The following PTPRK variants were observed in gnomAD, a reference collection of about 807,000 sequenced individuals.
PTPRK encodes the protein protein tyrosine phosphatase receptor type K.
PTPRK carries 75 observed loss-of-function variants against 178.0 expected under a neutral mutation model. The ratio of observed to expected loss-of-function variants is 0.42; its 90% confidence interval spans 0.35 to 0.51. The LOEUF is 0.51. PTPRK is among the 20% of genes least tolerant of loss of function. The probability of loss-of-function intolerance (pLI) is 0.02; values close to 1 mark genes in which losing one functional copy is unlikely to be tolerated. For synonymous variants in PTPRK, 637 were observed against 620.6 expected (o/e 1.03, Z -0.39); for missense variants, 1,441 against 1,797.8 (o/e 0.80, Z 3.59).
chr6:128,328,158 T>C (rs1829816652), intron 2 of PTPRK, among the ~76,000 whole-genome samples: 1 of 152,178 alleles, frequency 6.6e-6, no homozygotes, highest in African/African-American at 2.4e-5. Context: ...GAATAGATGA[T>C]CCTTCTTTCT....
chr6:128,423,439 T>C (rs1843727263), intron 1 of PTPRK, among the ~76,000 whole-genome samples: 2 of 152,136 alleles, frequency 1.3e-5, no homozygotes, highest in African/African-American at 4.8e-5. Flanking sequence ...TGTTTGTGTG[T>C]TCTCGATTTT....
At chr6:128,078,142 G>T (rs1428762508) in intron 11 of PTPRK, among the ~76,000 whole-genome samples, 1 of 151,920 alleles carries the variant, frequency 6.6e-6, no homozygotes, top group South Asian at 2.1e-4. Context: ...GACGTGAAAT[G>T]AAATGGGACT....
At position 128,184,475 on chromosome 6, in the gene PTPRK, C is replaced by T. The variant is rs779884872; in HGVS notation, c.1119G>A (p.Thr373=). Residue 373 remains threonine, a synonymous_variant, in exon 7 of 30, where the codon ACG becomes ACA. Coordinates refer to ENST00000368226, the MANE Select transcript of PTPRK (RefSeq NM_002844.4). ...VLLTRPGEGG[T]GLPGPPLITR... ...TGATTAGTGGAGGTCCTGGGAGCCC[C>T]GTTCCACCTTCACCAGGTCTTGTAA... 26 of 1,613,556 alleles carry T rather than the reference C, an allele frequency of 1.6e-5. No homozygotes were observed. Among genetic ancestry groups the T allele is most frequent in the South Asian group, 2.2e-5 (2 of 91,072 alleles).
At chr6:128,080,243 C>T (rs867760618) in intron 10 of PTPRK, among the ~76,000 whole-genome samples, 42 of 152,012 alleles carry the variant, frequency 2.8e-4, no homozygotes, top group Middle Eastern at 3.4e-3. Flanking sequence ...TTGGCTGTGC[C>T]GGGAACTTTG....
chr6:128,043,357 C>T (rs951605723), intron 13 of PTPRK, among the ~76,000 whole-genome samples: 2 of 151,986 alleles, frequency 1.3e-5, no homozygotes, highest in Admixed American at 6.6e-5. Context: ...GTCTGTACTG[C>T]CTCAGAAAAT....
At chr6:128,428,481 G>T (rs953262682) in intron 1 of PTPRK, among the ~76,000 whole-genome samples, 1 of 152,132 alleles carries the variant, frequency 6.6e-6, no homozygotes, top group Non-Finnish European at 1.5e-5. Context: ...TGGAGTCTAC[G>T]TTCCACAAGC....
chr6:128,489,459 A>T (rs1853449825), intron 1 of PTPRK, among the ~76,000 whole-genome samples: 1 of 152,220 alleles, frequency 6.6e-6, no homozygotes, highest in Admixed American at 6.5e-5. Flanking sequence ...CTTCACCTGG[A>T]AATGATGCAT....
intron 6 of PTPRK, among the ~76,000 whole-genome samples, chr6:128,210,133 G>T (rs995177466): frequency 6.6e-6 from 1 of 152,098 alleles, no homozygotes; most frequent in African/African-American, 2.4e-5. Flanking sequence ...GAGACAAGTG[G>T]TGGCAGTGAG....
chr6:128,181,938 A>T (rs1372294684), intron 7 of PTPRK, among the ~76,000 whole-genome samples: 1 of 152,168 alleles, frequency 6.6e-6, no homozygotes, highest in Admixed American at 6.6e-5. Flanking sequence ...CTAATAACAG[A>T]GCAAGATTAG....
At chr6:128,395,860 G>A (rs1407580685) in intron 2 of PTPRK, among the ~76,000 whole-genome samples, 1 of 152,130 alleles carries the variant, frequency 6.6e-6, no homozygotes, top group Non-Finnish European at 1.5e-5. Flanking sequence ...ATCACGGAGA[G>A]TGACAATTCA....
intron 1 of PTPRK, among the ~76,000 whole-genome samples, chr6:128,408,972 T>G (rs1841994837): frequency 1.3e-5 from 2 of 152,172 alleles, no homozygotes; most frequent in Admixed American, 6.5e-5. Flanking sequence ...TTTGGCCAAA[T>G]GCTGACAGAA....
At chr6:128,247,822 A>C (rs1815758624) in intron 3 of PTPRK, among the ~76,000 whole-genome samples, 1 of 152,182 alleles carries the variant, frequency 6.6e-6, no homozygotes, top group South Asian at 2.1e-4. Context: ...CACATGTACT[A>C]AAATTATATT....
intron 3 of PTPRK, among the ~76,000 whole-genome samples, chr6:128,290,297 T>G (rs772148533): frequency 2.0e-5 from 3 of 152,104 alleles, no homozygotes; most frequent in Non-Finnish European, 4.4e-5. Context: ...TTGTCAGTAT[T>G]TGGAGAGCTA....
chr6:128,131,031 T>C (rs1356397134), intron 7 of PTPRK, among the ~76,000 whole-genome samples: 1 of 152,216 alleles, frequency 6.6e-6, no homozygotes, highest in Non-Finnish European at 1.5e-5. Context: ...TTGCTCTACT[T>C]CTCAGACACC....
chr6:128,032,091 G>A (rs1006314807), intron 13 of PTPRK, among the ~76,000 whole-genome samples: 6 of 152,166 alleles, frequency 3.9e-5, no homozygotes, highest in African/African-American at 1.2e-4. Context: ...TGCTCTGATC[G>A]CAAAATTCTA....
intron 27 of PTPRK, among the ~76,000 whole-genome samples, chr6:127,975,723 G>T (rs185146151): frequency 5.3e-5 from 8 of 152,212 alleles, no homozygotes; most frequent in African/African-American, 1.7e-4. Context: ...ACAGCCTGGG[G>T]TGCAGTGGCG....
intron 7 of PTPRK, among the ~76,000 whole-genome samples, chr6:128,148,766 T>A (rs1400940446): frequency 6.6e-6 from 1 of 152,026 alleles, no homozygotes; most frequent in African/African-American, 2.4e-5. Context: ...CATTTTAGAG[T>A]TATCAAAATA....
chr6:128,041,576 C>G (rs1777171904), intron 13 of PTPRK, among the ~76,000 whole-genome samples: 1 of 151,914 alleles, frequency 6.6e-6, no homozygotes, highest in South Asian at 2.1e-4. Context: ...TGCAATAAAA[C>G]TAATGTAATC....
chr6:128,109,068 T>C (rs1297409799), intron 7 of PTPRK, among the ~76,000 whole-genome samples: 1 of 152,056 alleles, frequency 6.6e-6, no homozygotes, highest in African/African-American at 2.4e-5. Context: ...AGAATGATAA[T>C]TTCCAAGAAC....
Sources: allele counts gnomAD v4.1 joint callset (sites outside exome capture counted in the v4.1 genomes callset), GRCh38; gene constraint gnomAD v4.1.1; transcripts MANE v1.5; gene names NCBI Gene and HGNC (gene_info 2026-07-23, HGNC 2026-07-21).